The following GRIN2B variants were observed in gnomAD, a reference collection of about 807,000 sequenced individuals.
The protein encoded by GRIN2B is glutamate receptor ionotropic, NMDA 2B.
In GRIN2B, 5 loss-of-function variants were observed where a neutral mutation model predicts 114.5. The observed-to-expected ratio is 0.04, with a 90% CI of 0.02 to 0.09. The LOEUF (loss-of-function observed/expected upper bound fraction) is 0.09, where lower values mean the gene tolerates loss of function less well. Among genes scored for constraint, GRIN2B ranks in the 10% least tolerant of loss-of-function variants. The probability of loss-of-function intolerance (pLI) is 1.00; values close to 1 mark genes in which losing one functional copy is unlikely to be tolerated. For missense variants in GRIN2B, 1,108 were observed against 1,943.5 expected (o/e 0.57, Z 8.08); for synonymous variants, 787 against 745.1 (o/e 1.06, Z -0.92).
At chr12:13,879,359 T>A (rs923111489) in intron 2 of GRIN2B, among the ~76,000 whole-genome samples, 7 of 152,154 alleles carry the variant, frequency 4.6e-5, no homozygotes, top group Non-Finnish European at 1.0e-4. Flanking sequence ...ATAGAAGATG[T>A]GCAGTAACGA....
At chr12:13,793,882 T>A (rs1341705982) in intron 3 of GRIN2B, among the ~76,000 whole-genome samples, 2 of 151,798 alleles carry the variant, frequency 1.3e-5, no homozygotes, top group Non-Finnish European at 2.9e-5. Flanking sequence ...TCCTTTAAAA[T>A]CTGTGTCTTC....
At chr12:13,967,295 G>A (rs61062700) in intron 2 of GRIN2B, among the ~76,000 whole-genome samples, 1 of 152,298 alleles carries the variant, frequency 6.6e-6, no homozygotes, top group African/African-American at 2.4e-5. Context: ...TGTAGAACCA[G>A]ACACACAGTA....
At chr12:13,750,598 A>C (rs1298575493) in intron 4 of GRIN2B, among the ~76,000 whole-genome samples, 1 of 152,242 alleles carries the variant, frequency 6.6e-6, no homozygotes, top group Admixed American at 6.5e-5. Flanking sequence ...TTGGGAAAAT[A>C]ATCTGAATCA....
intron 4 of GRIN2B, among the ~76,000 whole-genome samples, chr12:13,687,340 A>G (rs1262756473): frequency 2.0e-5 from 3 of 152,070 alleles, no homozygotes; most frequent in East Asian, 1.9e-4. Flanking sequence ...AAAGTAGGAT[A>G]ATATCTTGGT....
At chr12:13,929,660 A>G (rs1428646323) in intron 2 of GRIN2B, among the ~76,000 whole-genome samples, 1 of 152,168 alleles carries the variant, frequency 6.6e-6, no homozygotes, top group Non-Finnish European at 1.5e-5. Flanking sequence ...AGCCTGCCAT[A>G]ATGAGCTGCC....
Position 13,617,228 on chromosome 12 carries a change from T to C in GRIN2B, c.1126-571A>G, listed in dbSNP as rs139774479. Among the ~76,000 whole-genome samples the C allele has an allele frequency of 1.5e-3, 226 of 152,324 alleles. 3 individuals are homozygous for C. Among genetic ancestry groups the C allele is most frequent in the Admixed American group, 2.9e-3 (45 of 15,306 alleles). ...TCTAAATTGGAATAAAATTACAAAT[T>C]GGGATTAAAGAATACTAACACTGTT... On this transcript the variant is annotated intron_variant, in intron 5 of 13. Transcript: ENST00000609686.
At chr12:13,972,119 G>A (rs975277634) in intron 2 of GRIN2B, among the ~76,000 whole-genome samples, 7 of 152,142 alleles carry the variant, frequency 4.6e-5, no homozygotes, top group Non-Finnish European at 7.3e-5. Flanking sequence ...ATCCTGCAGG[G>A]AAGTTTTTTA....
At chr12:13,889,635 G>T (rs10772718) in intron 2 of GRIN2B, among the ~76,000 whole-genome samples, 20 of 152,040 alleles carry the variant, frequency 1.3e-4, no homozygotes, top group African/African-American at 3.6e-4. Flanking sequence ...GGAATCAGAA[G>T]GTGAACTGTA....
At chr12:13,667,822 T>A (rs1949991922) in intron 5 of GRIN2B, among the ~76,000 whole-genome samples, 1 of 152,184 alleles carries the variant, frequency 6.6e-6, no homozygotes, top group Non-Finnish European at 1.5e-5. Context: ...ATATAACTGC[T>A]AATTCTTTGT....
At chr12:13,845,584 GTGGCCTCAGGCAAGTCACTTAATCTTTCT>G (rs1865456455) in intron 3 of GRIN2B, among the ~76,000 whole-genome samples, 3 of 152,190 alleles carry the variant, frequency 2.0e-5, no homozygotes, top group Admixed American at 2.0e-4. Context: ...GAATTGAGAT[GTGGCCTCAGGCAAGTCACTTAATCTTTCT>G]TGGCCTCAGT....
intron 10 of GRIN2B, among the ~76,000 whole-genome samples, chr12:13,599,008 C>G (rs369115324): frequency 1.8e-4 from 28 of 152,298 alleles, no homozygotes; most frequent in African/African-American, 6.5e-4. Context: ...CTTGCCTGCT[C>G]GTTTTCTTCT....
intron 2 of GRIN2B, among the ~76,000 whole-genome samples, chr12:13,953,293 G>A (rs1867526494): frequency 6.6e-6 from 1 of 152,100 alleles, no homozygotes; most frequent in South Asian, 2.1e-4. Flanking sequence ...TACTCAATTA[G>A]TCAATGCAAT....
chr12:13,850,777 C>A (rs1425238390), intron 3 of GRIN2B, among the ~76,000 whole-genome samples: 1 of 152,082 alleles, frequency 6.6e-6, no homozygotes, highest in Non-Finnish European at 1.5e-5. Flanking sequence ...TAAAAGTGTT[C>A]AAAATAAAGT....
chr12:13,927,982 A>AAAAAAAAAAAAAAAAAAAG (rs71067738), intron 2 of GRIN2B, among the ~76,000 whole-genome samples: 33 of 129,778 alleles, frequency 2.5e-4, no homozygotes, highest in Non-Finnish European at 4.0e-4. Flanking sequence ...AAAAAAAAAA[A>AAAAAAAAAAAAAAAAAAAG]GGGGGGGTAT....
chr12:13,803,309 C>T (rs1023998545), intron 3 of GRIN2B, among the ~76,000 whole-genome samples: 6 of 151,940 alleles, frequency 3.9e-5, no homozygotes, highest in Non-Finnish European at 8.8e-5. Context: ...TTCCCCTAAC[C>T]CCCACATTGT....
At chr12:13,946,585 ATTTT>A (rs1298589110) in intron 2 of GRIN2B, among the ~76,000 whole-genome samples, 1 of 151,988 alleles carries the variant, frequency 6.6e-6, no homozygotes, top group African/African-American at 2.4e-5. Context: ...GTTTATAATT[ATTTT>A]TTATTTCCTG....
At chr12:13,912,365 G>C (rs1368960068) in intron 2 of GRIN2B, among the ~76,000 whole-genome samples, 1 of 152,092 alleles carries the variant, frequency 6.6e-6, no homozygotes. Flanking sequence ...AAGTGAGAGG[G>C]GAAAGTGAAT....
chr12:13,723,386 G>GGAT (rs1862914771), intron 4 of GRIN2B, among the ~76,000 whole-genome samples: 2 of 151,718 alleles, frequency 1.3e-5, no homozygotes, highest in Admixed American at 6.6e-5. Context: ...CTTGCTGTCA[G>GGAT]CAATGCTCAA....
chr12:13,874,967 T>C (rs1405607488), intron 2 of GRIN2B, among the ~76,000 whole-genome samples: 2 of 152,128 alleles, frequency 1.3e-5, no homozygotes, highest in African/African-American at 4.8e-5. Flanking sequence ...GTAGGAGTTA[T>C]ATAGGTAAAC....
Sources: allele counts gnomAD v4.1 joint callset (sites outside exome capture counted in the v4.1 genomes callset), GRCh38; gene constraint gnomAD v4.1.1; transcripts MANE v1.5; gene names NCBI Gene and HGNC (gene_info 2026-07-23, HGNC 2026-07-21).